The following KANK1 variants were observed in gnomAD, a reference collection of about 807,000 sequenced individuals.
The protein encoded by KANK1 is KN motif and ankyrin repeat domains 1, also known as KN motif and ankyrin repeat domain-containing protein 1.
Under a neutral mutation model 106.2 loss-of-function variants are expected in KANK1, and 109 were observed. The ratio of observed to expected loss-of-function variants is 1.03; its 90% CI spans 0.88 to 1.20. KANK1 has a LOEUF of 1.20. KANK1 is among the 50% of genes most tolerant of loss of function. KANK1 has a pLI of 0.00. For missense variants in KANK1, 2,399 were observed against 1,710.7 expected (o/e 1.40, Z -7.10); for synonymous variants, 873 against 652.2 (o/e 1.34, Z -5.16).
intron 1 of KANK1, among the ~76,000 whole-genome samples, chr9:581,987 T>C (rs1186121780): frequency 1.3e-5 from 2 of 152,220 alleles, no homozygotes; most frequent in Non-Finnish European, 2.9e-5. Flanking sequence ...CCTGCTTTTC[T>C]CCTCAAGAAG....
At chr9:508,802 T>C (rs971095974) in intron 1 of KANK1, among the ~76,000 whole-genome samples, 1 of 146,308 alleles carries the variant, frequency 6.8e-6, no homozygotes, top group Admixed American at 6.6e-5. Flanking sequence ...TGAGGGGCAT[T>C]TACATAGTTT....
intron 1 of KANK1, among the ~76,000 whole-genome samples, chr9:670,232 C>G (rs900483250): frequency 5.3e-5 from 8 of 152,022 alleles, no homozygotes; most frequent in Admixed American, 2.6e-4. Flanking sequence ...GTCACTGGTT[C>G]CTTGCTTTAT....
chr9:651,971 A>G (rs1022909405), intron 1 of KANK1, among the ~76,000 whole-genome samples: 1 of 152,198 alleles, frequency 6.6e-6, no homozygotes, highest in Non-Finnish European at 1.5e-5. Context: ...TGTGTTTACT[A>G]TGTTCAAAGC....
chr9:574,606 C>T (rs562143967), intron 1 of KANK1, among the ~76,000 whole-genome samples: 11 of 152,032 alleles, frequency 7.2e-5, no homozygotes, highest in African/African-American at 7.2e-5. Flanking sequence ...CCTGTAATCC[C>T]AGCACTTTGG....
At chr9:691,282 A>G (rs1363535502) in intron 2 of KANK1, among the ~76,000 whole-genome samples, 3 of 140,306 alleles carry the variant, frequency 2.1e-5, no homozygotes, top group South Asian at 2.6e-4. Flanking sequence ...CCAGAACACA[A>G]TATTTATGAA....
At position 745,181 on chromosome 9, in the gene KANK1, T is replaced by G; in HGVS notation, c.4005T>G (p.Pro1335=). The G allele has an allele frequency of 6.2e-7, 1 of 1,614,120 alleles. No homozygotes were observed. The highest frequency in any genetic ancestry group is 2.2e-5 in the East Asian group (1 of 44,886). The change falls in exon 12 of 12, where the codon CCT becomes CCG. Residue 1335 remains proline (P), a synonymous_variant. Transcript: ENST00000382297. ...CCTTTCCTGGTCTCTAGGGCACCCC[T>G]AGGCTTGGAAGGAAGACGTCTCCTG... ...NFAKAQSPGT[P]RLGRKTSPGP...
rs906031855 is a variant in KANK1 at position 522,936 on chromosome 9, C to A, written c.-84+18182C>A. ...CTGTGGTTTCCCATGAAAATGCCTT[C>A]CCTGAGTTAATGTTAGCCTTTTGCT... On this transcript the variant is annotated intron_variant, in intron 1 of 11. Transcript: ENST00000382297. 4.6e-5 allele frequency among the ~76,000 whole-genome samples: 7 copies of A among 151,654 alleles called. 1 individual carries two copies. The highest frequency in any genetic ancestry group is 1.7e-4 in the African/African-American group (7 of 40,982).
chr9:478,709 C>G (rs922912750), intron 3 of KANK1, among the ~76,000 whole-genome samples: 12 of 152,202 alleles, frequency 7.9e-5, no homozygotes, highest in Non-Finnish European at 7.3e-5. Flanking sequence ...AAACCAAACT[C>G]TTTACACCAA....
At chr9:579,558 C>T (rs994409918) in intron 1 of KANK1, among the ~76,000 whole-genome samples, 2 of 152,108 alleles carry the variant, frequency 1.3e-5, no homozygotes, top group South Asian at 2.1e-4. Context: ...CCTGTCAGCT[C>T]CTCAGCCCCA....
intron 3 of KANK1, among the ~76,000 whole-genome samples, chr9:490,003 G>C (rs755450015): frequency 5.9e-5 from 9 of 152,172 alleles, no homozygotes; most frequent in Non-Finnish European, 1.2e-4. Flanking sequence ...ATTATGAAAT[G>C]TCATTTGCTT....
At chr9:543,356 G>C (rs977660449) in intron 1 of KANK1, among the ~76,000 whole-genome samples, 15 of 151,946 alleles carry the variant, frequency 9.9e-5, no homozygotes, top group Admixed American at 2.0e-4. Context: ...AGGAGTTTGA[G>C]ACCAGCCTGG....
chr9:724,445 A>C (rs1830147477), intron 3 of KANK1, among the ~76,000 whole-genome samples: 1 of 152,180 alleles, frequency 6.6e-6, no homozygotes, highest in Non-Finnish European at 1.5e-5. Flanking sequence ...ATTTGCATTT[A>C]AAAAGTCATT....
chr9:653,972 A>G (rs1480588534), intron 1 of KANK1, among the ~76,000 whole-genome samples: 1 of 152,160 alleles, frequency 6.6e-6, no homozygotes, highest in Non-Finnish European at 1.5e-5. Flanking sequence ...TCCTTTCCAC[A>G]TGGATACTTC....
chr9:576,347 G>A (rs1820555779), intron 1 of KANK1, among the ~76,000 whole-genome samples: 1 of 152,178 alleles, frequency 6.6e-6, no homozygotes, highest in African/African-American at 2.4e-5. Context: ...CCTCCTTGAA[G>A]GCCCAGCATA....
intron 1 of KANK1, chr9:540,720 T>C (rs1453871681): frequency 6.6e-6 from 1 of 152,246 alleles, no homozygotes; most frequent in African/African-American, 2.4e-5. Flanking sequence ...CTTCAGATTT[T>C]CTATTTCTGT....
rs916413397 is a variant in KANK1 at position 510,282 on chromosome 9, A to G, written c.-84+5528A>G. Among the ~76,000 whole-genome samples, 6 of 152,172 alleles carry G rather than the reference A, an allele frequency of 3.9e-5. 1 individual carries two copies. The highest frequency in any genetic ancestry group is 3.9e-4 in the Admixed American group (6 of 15,284). ...GGTATCACTGATTAATTTTCTTTAT[A>G]TGGTCCTGTTTACAAAGGTATTGAG... On this transcript the variant is annotated intron_variant, in intron 1 of 11. Coordinates refer to ENST00000382297, the MANE Select transcript of KANK1 (RefSeq NM_015158.5).
At chr9:721,839 T>C (rs1347810158) in intron 3 of KANK1, among the ~76,000 whole-genome samples, 2 of 152,238 alleles carry the variant, frequency 1.3e-5, no homozygotes, top group Admixed American at 6.5e-5. Context: ...CAGACACCAG[T>C]GAAGGCATAC....
chr9:662,216 A>G (rs10975628), intron 1 of KANK1, among the ~76,000 whole-genome samples: 47,330 of 152,078 alleles, frequency 0.31, 8,778 homozygotes, highest in South Asian at 0.47. Flanking sequence ...GCTTATGAAT[A>G]GGAAGAATCA....
At chr9:536,174 C>T (rs2060289014) in intron 1 of KANK1, among the ~76,000 whole-genome samples, 1 of 152,046 alleles carries the variant, frequency 6.6e-6, no homozygotes, top group East Asian at 1.9e-4. Flanking sequence ...TCTGTCTCTA[C>T]TAAAAAATAT....
Sources: gnomAD v4.1 joint callset for allele counts (sites outside exome capture counted in the v4.1 genomes callset) on GRCh38, gnomAD v4.1.1 for gene constraint, MANE v1.5 for transcripts, NCBI Gene and HGNC (gene_info 2026-07-23, HGNC 2026-07-21) for gene names.